MCUB: variants seen among roughly 807,000 people sequenced by gnomAD.
The protein encoded by MCUB is calcium uniporter regulatory subunit MCUb, mitochondrial.
A neutral mutation model predicts 41.4 loss-of-function variants in MCUB; 46 were observed. The ratio of observed to expected loss-of-function variants is 1.11; its 90% CI spans 0.88 to 1.42. The LOEUF (loss-of-function observed/expected upper bound fraction) is 1.42. Among genes scored for constraint, MCUB ranks in the 40% most tolerant of loss-of-function variants. MCUB has a pLI of 0.00. For synonymous variants in MCUB, 148 were observed against 148.2 expected, an observed-to-expected ratio of 1.00 and a Z score of 0.01; for missense variants, 403 against 404.9, an observed-to-expected ratio of 1.00 and a Z score of 0.04.
chr4:109,671,065 G>A (rs192432603), intron 4 of MCUB, among the ~76,000 whole-genome samples: 15 of 152,218 alleles, frequency 9.9e-5, no homozygotes, highest in Non-Finnish European at 1.5e-4. Context: ...CAATTTTGGC[G>A]ACAGCAATTT....
chr4:109,660,158 A>G (rs1729196008), intron 2 of MCUB, 37 bp from the exon 3 acceptor site: 2 of 1,075,938 alleles, frequency 1.9e-6, no homozygotes, highest in African/African-American at 1.6e-5. Flanking sequence ...TTTTAAAGTA[A>G]AATTTACTCA....
At position 109,560,261 on chromosome 4, in the gene MCUB, C is replaced by G. The variant is rs1268842203; in HGVS notation, c.-77C>G. 1.4e-6 allele frequency: 1 copy of G among 709,636 alleles called. No individual in the cohort carries two copies. The highest frequency in any genetic ancestry group is 2.0e-6 in the Non-Finnish European group (1 of 512,568). 44.0% of individuals were successfully genotyped at this position (709,636 alleles called of 1,614,324 possible). A position where few individuals can be genotyped will look rare whatever the true frequency, so the allele number is the denominator to read the frequency against. ...GGGAGCGCCCACAGCTCGGAGCCAC[C>G]AGGCGCTGACGAGGAGCCCGGCTGA... On this transcript the variant is annotated 5_prime_UTR_variant, in exon 1 of 8. Coordinates refer to ENST00000394650, the MANE Select transcript of MCUB (RefSeq NM_017918.5).
chr4:109,673,454 G>C (rs974685504), intron 4 of MCUB, among the ~76,000 whole-genome samples: 4 of 152,230 alleles, frequency 2.6e-5, no homozygotes, highest in Non-Finnish European at 5.9e-5. Context: ...CCTCCCTGGA[G>C]ATGGGAGGTC....
intron 1 of MCUB, among the ~76,000 whole-genome samples, chr4:109,568,101 T>G (rs559131414): frequency 3.3e-5 from 5 of 152,146 alleles, no homozygotes; most frequent in Non-Finnish European, 5.9e-5. Flanking sequence ...AGAGAGTGTT[T>G]TGCAAAGAGA....
chr4:109,667,869 T>C (rs1729377056), intron 4 of MCUB, among the ~76,000 whole-genome samples: 2 of 152,064 alleles, frequency 1.3e-5, no homozygotes, highest in South Asian at 4.1e-4. Context: ...TTTTAAAATA[T>C]TTTAATTTTT....
intron 1 of MCUB, among the ~76,000 whole-genome samples, chr4:109,592,893 A>G (rs1028679927): frequency 6.6e-6 from 1 of 152,238 alleles, no homozygotes; most frequent in Non-Finnish European, 1.5e-5. Context: ...TGAAAGCTCT[A>G]ATATACACAC....
intron 1 of MCUB, among the ~76,000 whole-genome samples, chr4:109,623,319 G>A (rs1416219600): frequency 6.6e-6 from 1 of 152,202 alleles, no homozygotes; most frequent in African/African-American, 2.4e-5. Context: ...GCCAGCTAGG[G>A]CAAGAAGTGT....
intron 1 of MCUB, among the ~76,000 whole-genome samples, chr4:109,563,557 G>A (rs1726691940): frequency 6.6e-6 from 1 of 152,144 alleles, no homozygotes; most frequent in African/African-American, 2.4e-5. Context: ...TTGTATTTAC[G>A]CTATGGAAAA....
intron 4 of MCUB, among the ~76,000 whole-genome samples, chr4:109,671,732 T>G (rs2126147994): frequency 6.6e-6 from 1 of 152,340 alleles, no homozygotes; most frequent in South Asian, 2.1e-4. Flanking sequence ...TGATGCTTGT[T>G]TTGTCTCTTC....
intron 4 of MCUB, chr4:109,673,977 A>G: frequency 1.1e-6 from 1 of 920,018 alleles, no homozygotes; most frequent in South Asian, 1.3e-5. Flanking sequence ...CATATGGATT[A>G]CACAAACTGA....
intron 3 of MCUB, among the ~76,000 whole-genome samples, chr4:109,660,659 A>T (rs1729211676): frequency 6.6e-6 from 1 of 152,012 alleles, no homozygotes; most frequent in African/African-American, 2.4e-5. Flanking sequence ...TCTACTAAAA[A>T]CACAAAATTA....
chr4:109,580,073 C>G (rs1384602432), intron 1 of MCUB, among the ~76,000 whole-genome samples: 1 of 152,074 alleles, frequency 6.6e-6, no homozygotes, highest in African/African-American at 2.4e-5. Context: ...TGTTCCCCGC[C>G]CTGTTTCCAC....
At chr4:109,655,679 AC>A (rs1038055842) in intron 1 of MCUB, among the ~76,000 whole-genome samples, 2 of 152,164 alleles carry the variant, frequency 1.3e-5, no homozygotes, top group African/African-American at 4.8e-5. Flanking sequence ...TTGACCAGGC[AC>A]TAAAATTTGG....
At chr4:109,646,358 C>T (rs1482468544) in intron 1 of MCUB, among the ~76,000 whole-genome samples, 3 of 152,168 alleles carry the variant, frequency 2.0e-5, no homozygotes, top group African/African-American at 7.2e-5. Context: ...GCTGAAGTCA[C>T]ACCCAGGAGT....
intron 1 of MCUB, among the ~76,000 whole-genome samples, chr4:109,587,957 A>G (rs894608016): frequency 1.3e-5 from 2 of 152,258 alleles, no homozygotes; most frequent in Non-Finnish European, 2.9e-5. Context: ...TAGAAGCAAA[A>G]TTCTAAGTGG....
chr4:109,571,399 G>A (rs1007834531), intron 1 of MCUB, among the ~76,000 whole-genome samples: 4 of 152,030 alleles, frequency 2.6e-5, no homozygotes, highest in African/African-American at 4.8e-5. Flanking sequence ...TGCAACCTCC[G>A]CCTCCCAGGT....
chr4:109,561,279 A>T (rs1726624945), intron 1 of MCUB, among the ~76,000 whole-genome samples: 1 of 152,192 alleles, frequency 6.6e-6, no homozygotes, highest in African/African-American at 2.4e-5. Context: ...CCACACTGTT[A>T]AGATTACTTT....
chr4:109,581,411 C>G (rs1380562835), intron 1 of MCUB, among the ~76,000 whole-genome samples: 4 of 152,110 alleles, frequency 2.6e-5, no homozygotes, highest in Non-Finnish European at 5.9e-5. Flanking sequence ...AAACGTTAGA[C>G]CTAAAACCAT....
At chr4:109,608,272 G>A (rs1409428766) in intron 1 of MCUB, among the ~76,000 whole-genome samples, 1 of 152,048 alleles carries the variant, frequency 6.6e-6, no homozygotes, top group Non-Finnish European at 1.5e-5. Context: ...CAGTTTATCT[G>A]ATAGAATTCT....
Sources: gnomAD v4.1 joint callset for allele counts (sites outside exome capture counted in the v4.1 genomes callset) on GRCh38, gnomAD v4.1.1 for gene constraint, MANE v1.5 for transcripts, NCBI Gene and HGNC (gene_info 2026-07-23, HGNC 2026-07-21) for gene names.